SRCIN1: variants seen among roughly 807,000 people sequenced by gnomAD.
The protein encoded by SRCIN1 is SRC kinase signaling inhibitor 1, also known as P130Cas-associated protein.
A neutral mutation model predicts 116.2 loss-of-function variants in SRCIN1; 50 were observed. That is an observed-to-expected ratio of 0.43 (90% CI 0.34 to 0.54). SRCIN1 has a LOEUF of 0.54. Among genes scored for constraint, SRCIN1 ranks in the 20% least tolerant of loss-of-function variants. The probability of loss-of-function intolerance (pLI) is 0.02; values close to 1 mark genes in which losing one functional copy is unlikely to be tolerated. For synonymous variants in SRCIN1, 736 were observed against 750.0 expected, an observed-to-expected ratio of 0.98 and a Z score of 0.30; for missense variants, 1,446 against 1,672.0, an observed-to-expected ratio of 0.86 and a Z score of 2.36.
At chr17:38,595,896 C>T (rs1458515216) in intron 1 of SRCIN1, among the ~76,000 whole-genome samples, 2 of 152,262 alleles carry the variant, frequency 1.3e-5, no homozygotes, top group Non-Finnish European at 2.9e-5. Context: ...AGTGCCCCCC[C>T]CAGAGTCAGG....
At position 38,558,221 on chromosome 17, in the gene SRCIN1, C is replaced by T. The variant is rs368529746; in HGVS notation, c.2201+6G>A. The T allele has an allele frequency of 1.4e-4, 221 of 1,609,622 alleles. No individual in the cohort carries two copies. In the African/African-American group the frequency reaches 2.6e-3, roughly 19 times the overall value. On this transcript the variant is annotated splice_donor_region_variant and intron_variant, in intron 11 of 18. Transcript: ENST00000617146. This position sits in a 1 kb window ranked among gnomAD's most constrained non-coding sequence, Gnocchi z 4.6. Reference sequence around the variant, plus strand: ...ACCCCTCCCTCCGCCGCGGGCCCAGCCTCACTTGAGCTGCTGGGTAATAAG... The same window carrying T: ...ACCCCTCCCTCCGCCGCGGGCCCAGTCTCACTTGAGCTGCTGGGTAATAAG...
intron 15 of SRCIN1, among the ~76,000 whole-genome samples, chr17:38,550,388 G>A (rs1049757401): frequency 1.3e-5 from 2 of 152,122 alleles, no homozygotes; most frequent in African/African-American, 4.8e-5. Flanking sequence ...CAGCTACTCG[G>A]GAGGCTGAGG....
intron 18 of SRCIN1, among the ~76,000 whole-genome samples, chr17:38,539,865 A>G (rs1904618089): frequency 6.6e-6 from 1 of 151,892 alleles, no homozygotes; most frequent in Non-Finnish European, 1.5e-5. Context: ...TACTGAAAAT[A>G]CAAAAATTAG....
intron 1 of SRCIN1, among the ~76,000 whole-genome samples, chr17:38,589,208 G>A (rs531873960): frequency 6.6e-6 from 1 of 152,314 alleles, no homozygotes; most frequent in South Asian, 2.1e-4. Context: ...GAGCCACCGT[G>A]CCCAGCCATG....
rs1161168714 is a variant in SRCIN1, at chr17:38,531,280, C to T, written c.*2017G>A. The T allele has an allele frequency of 6.6e-6, 1 of 152,198 alleles. No homozygotes were observed. Among genetic ancestry groups the T allele is most frequent in the Non-Finnish European group, 1.5e-5 (1 of 67,892 alleles). The allele number at this position is 152,198 out of a possible 1,614,324, so 9.4% of individuals were successfully genotyped here. A position where few individuals can be genotyped will look rare whatever the true frequency, so the allele number is the denominator to read the frequency against. ...CCCAAGTCAGGGGGTCTCTGTACAG[C>T]CAAATCAAACCAGACCATTTCACTG... On this transcript the variant is annotated 3_prime_UTR_variant, in exon 19 of 19. Transcript: ENST00000617146.
rs762091160 is a variant in SRCIN1 at position 38,549,186 on chromosome 17, C to T, written c.2987G>A (p.Arg996His). The T allele has an allele frequency of 1.5e-5, 24 of 1,560,002 alleles. No individual in the cohort carries two copies. Among genetic ancestry groups the T allele is most frequent in the Non-Finnish European group, 1.9e-5 (22 of 1,156,178 alleles). ...GSDELTVPRY[R>H]TEKPSKSPPP... ...GGGCGACTTGGAGGGCTTCTCTGTG[C>T]GGTATCGGGGCACGGTCAACTCATC... is the stretch of plus-strand genomic sequence containing the variant. The change falls in exon 16 of 19, where the codon CGC (arginine) becomes CAC (histidine). Residue 996 changes from arginine to histidine, a missense_variant. Arg to His is a conservative substitution (Grantham distance 29, BLOSUM62 0). Around this residue, in one of 5 missense-constraint regions of SRCIN1, gnomAD observed 531 missense variants for 633.9 expected, o/e 0.84. Coordinates refer to ENST00000617146, the MANE Select transcript of SRCIN1 (RefSeq NM_025248.3).
intron 18 of SRCIN1, among the ~76,000 whole-genome samples, chr17:38,538,121 A>C (rs1260856770): frequency 6.7e-6 from 1 of 149,652 alleles, no homozygotes; most frequent in Admixed American, 6.7e-5. Context: ...ATAAATAAAT[A>C]AAAATAAAAA....
chr17:38,564,350 G>T, intron 3 of SRCIN1, 37 bp from the exon 4 acceptor site: 1 of 1,460,336 alleles, frequency 6.8e-7, no homozygotes, highest in Non-Finnish European at 9.0e-7. Context: ...AACCAAGGAT[G>T]AGCACCCCCC....
At chr17:38,540,521 C>CGAA (rs1904664863) in intron 18 of SRCIN1, among the ~76,000 whole-genome samples, 1 of 151,616 alleles carries the variant, frequency 6.6e-6, no homozygotes, top group South Asian at 2.1e-4. Flanking sequence ...ATTGTACAGA[C>CGAA]GAAGAAAGGG....
At chr17:38,554,837 C>T (rs1905682538) in intron 11 of SRCIN1, among the ~76,000 whole-genome samples, 1 of 152,210 alleles carries the variant, frequency 6.6e-6, no homozygotes, top group Admixed American at 6.5e-5. Flanking sequence ...CTGTCAAATC[C>T]CATTGTTGGA....
At chr17:38,535,921 T>G (rs1427837858) in intron 18 of SRCIN1, among the ~76,000 whole-genome samples, 1 of 152,174 alleles carries the variant, frequency 6.6e-6, no homozygotes, top group African/African-American at 2.4e-5. Flanking sequence ...CTTTTTCTGC[T>G]CCTACCCCTT....
Position 38,564,324 on chromosome 17 carries a change from CG to C in SRCIN1, c.346-12del. On this transcript the variant is annotated splice_polypyrimidine_tract_variant and intron_variant, in intron 3 of 18. Transcript: ENST00000617146. ...GCGTGAGCTGCGGGTCTGCAGGGGC[CG>C]GGCAGGGTGAGAGGAACCAAGGATG... 1 of 1,535,500 alleles carries C rather than the reference CG, an allele frequency of 6.5e-7. No homozygotes were observed. The highest frequency in any genetic ancestry group is 8.7e-7 in the Non-Finnish European group (1 of 1,144,912).
intron 1 of SRCIN1, among the ~76,000 whole-genome samples, chr17:38,586,281 TC>T (rs1420221341): frequency 2.0e-5 from 3 of 151,958 alleles, no homozygotes; most frequent in Non-Finnish European, 4.4e-5. Flanking sequence ...ATCGAGGCCA[TC>T]CCCCCAGCGT....
intron 18 of SRCIN1, among the ~76,000 whole-genome samples, chr17:38,539,335 C>T (rs900815967): frequency 6.6e-6 from 1 of 152,210 alleles, no homozygotes; most frequent in African/African-American, 2.4e-5. Context: ...AGTGATCCTC[C>T]TGTCTTAGCC....
At chr17:38,559,234 AG>A in intron 10 of SRCIN1, 2 of 373,708 alleles carry the variant, frequency 5.4e-6, no homozygotes, top group Non-Finnish European at 9.7e-6. Flanking sequence ...GATGCAGGGC[AG>A]GAAGGAACTG....
In SRCIN1 at chr17:38,552,802, C is replaced by T. The variant is rs751001424; in HGVS notation, c.2255G>A (p.Arg752Gln). 38 of 1,613,854 alleles carry T rather than the reference C, an allele frequency of 2.4e-5. 1 individual carries two copies. The highest frequency in any genetic ancestry group is 1.6e-4 in the Middle Eastern group (1 of 6,084). Residue 752 changes from arginine to glutamine, a missense_variant, in exon 12 of 19, where the codon CGG (arginine) becomes CAG (glutamine). This residue lies in a region of SRCIN1 where 531 missense variants were observed against 633.9 expected (regional missense o/e 0.84). Transcript: ENST00000617146. The surrounding 1 kb of genome is among the most constrained non-coding windows in gnomAD (Gnocchi z 5.3). ...CTCCAGCTCAGGGCCGGGCACCAGC[C>T]GGTGGTTGTGGGACACGTCTCTCTG... Reference protein sequence around the residue: ...KIQRDVSHNHRLVPGPELEEK... With the variant: ...KIQRDVSHNHQLVPGPELEEK...
chr17:38,533,859 A>C (rs901080239), intron 18 of SRCIN1, among the ~76,000 whole-genome samples: 1 of 151,958 alleles, frequency 6.6e-6, no homozygotes, highest in African/African-American at 2.4e-5. Context: ...AAAGGCTCCT[A>C]GTCCCAAATG....
At chr17:38,586,332 C>G (rs529758601) in intron 1 of SRCIN1, among the ~76,000 whole-genome samples, 1 of 152,090 alleles carries the variant, frequency 6.6e-6, no homozygotes, top group East Asian at 1.9e-4. Flanking sequence ...TGGATGGGGG[C>G]GGGGGGAGAT....
rs1047382340 is a variant in SRCIN1 at position 38,552,215 on chromosome 17, G to T, written c.2481-83C>A. 3 of 1,541,182 alleles carry T rather than the reference G, an allele frequency of 1.9e-6. No individual in the cohort carries two copies. The highest frequency in any genetic ancestry group is 2.6e-6 in the Non-Finnish European group (3 of 1,141,078). On this transcript the variant is annotated intron_variant, in intron 13 of 18. Coordinates refer to ENST00000617146, the MANE Select transcript of SRCIN1 (RefSeq NM_025248.3). This position sits in a 1 kb window ranked among gnomAD's most constrained non-coding sequence, Gnocchi z 5.3. ...GGAAGGCTGCTCTGAGGGAGGTGGG[G>T]TGGGAGGCAGGCTCTGGGATGCTGT...
Sources: gnomAD v4.1 joint callset for allele counts (sites outside exome capture counted in the v4.1 genomes callset) on GRCh38, gnomAD v4.1.1 for gene constraint, gnomAD v4.1.1 regional missense constraint, Gnocchi (gnomAD v3.1) non-coding constraint, MANE v1.5 for transcripts, NCBI Gene and HGNC (gene_info 2026-07-23, HGNC 2026-07-21) for gene names.